C1QTNF3: variants seen among roughly 807,000 people sequenced by gnomAD.
The protein encoded by C1QTNF3 is complement C1q tumor necrosis factor-related protein 3.
In C1QTNF3, 26 loss-of-function variants were observed where a neutral mutation model predicts 32.6. The ratio of observed to expected loss-of-function variants is 0.80; its 90% CI spans 0.58 to 1.11. The LOEUF is 1.11. Among genes scored for constraint, C1QTNF3 ranks in the 50% least tolerant of loss-of-function variants. The pLI is 0.00. For missense variants in C1QTNF3, 362 were observed against 398.2 expected (o/e 0.91, Z 0.77); for synonymous variants, 155 against 146.0 (o/e 1.06, Z -0.44).
At chr5:34,195,471 A>T in the C1QTNF3 span, among the ~76,000 whole-genome samples, 1 of 150,958 alleles carries the variant, frequency 6.6e-6, no homozygotes, top group African/African-American at 2.4e-5. Context: ...AAAGAAACCT[A>T]TCAGATTTAC....
the C1QTNF3 span, among the ~76,000 whole-genome samples, chr5:34,222,093 T>C: frequency 1.2e-4 from 19 of 152,184 alleles, no homozygotes; most frequent in African/African-American, 4.6e-4. Flanking sequence ...ATCTATCTTT[T>C]GGCAATGTTG....
the C1QTNF3 span, among the ~76,000 whole-genome samples, chr5:34,216,706 G>A: frequency 6.6e-6 from 1 of 152,132 alleles, no homozygotes; most frequent in African/African-American, 2.4e-5. Context: ...TTTCCAATAT[G>A]TTTTGAAATT....
the C1QTNF3 span, among the ~76,000 whole-genome samples, chr5:34,121,806 A>AT: frequency 1.3e-4 from 20 of 152,194 alleles, no homozygotes; most frequent in Non-Finnish European, 2.9e-4. Context: ...TTGGAAAATG[A>AT]TTAGGTCATC....
At chr5:34,021,038 C>A (rs979404912) in intron 5 of C1QTNF3, among the ~76,000 whole-genome samples, 1 of 152,164 alleles carries the variant, frequency 6.6e-6, no homozygotes, top group Admixed American at 6.5e-5. Context: ...TGGAAAAGAG[C>A]TCTCTCTCTT....
the C1QTNF3 span, chr5:34,167,398 A>C: frequency 2.6e-5 from 4 of 152,330 alleles, no homozygotes; most frequent in East Asian, 7.7e-4. Context: ...TCTCTATCTT[A>C]CATCTCCCAG....
chr5:34,081,548 AAC>A, the C1QTNF3 span, among the ~76,000 whole-genome samples: 2 of 151,584 alleles, frequency 1.3e-5, no homozygotes, highest in South Asian at 2.1e-4. Flanking sequence ...AATTTGAATC[AAC>A]AGAGAATAAA....
the C1QTNF3 span, among the ~76,000 whole-genome samples, chr5:34,056,454 G>GTGTATATATA: frequency 4.9e-4 from 24 of 48,944 alleles, no homozygotes; most frequent in East Asian, 4.9e-3. Flanking sequence ...GTGTGTGTGT[G>GTGTATATATA]TATATATATA....
chr5:34,029,451 A>G (rs1430177290), intron 3 of C1QTNF3, among the ~76,000 whole-genome samples: 1 of 152,152 alleles, frequency 6.6e-6, no homozygotes, highest in Non-Finnish European at 1.5e-5. Flanking sequence ...ATTAATTTCT[A>G]ATGAAATTAA....
At chr5:34,197,475 A>T in the C1QTNF3 span, among the ~76,000 whole-genome samples, 1 of 152,222 alleles carries the variant, frequency 6.6e-6, no homozygotes, top group Non-Finnish European at 1.5e-5. Context: ...AATGGTAAAT[A>T]TTATTGGCAT....
chr5:34,185,865 C>CA, the C1QTNF3 span, among the ~76,000 whole-genome samples: 4 of 152,372 alleles, frequency 2.6e-5, no homozygotes, highest in East Asian at 7.8e-4. Context: ...TCAATTCAGA[C>CA]AAAAATCATG....
At chr5:34,073,138 T>G in the C1QTNF3 span, among the ~76,000 whole-genome samples, 2 of 152,054 alleles carry the variant, frequency 1.3e-5, no homozygotes, top group Admixed American at 1.3e-4. Context: ...CCATCCTGGC[T>G]AACACGGTGA....
At chr5:34,046,607 C>G (rs1261564555), upstream of C1QTNF3, among the ~76,000 whole-genome samples, 2 of 152,170 alleles carry the variant, frequency 1.3e-5, no homozygotes, top group East Asian at 1.9e-4. Flanking sequence ...GGGAACCAAC[C>G]CTGCTAACAC....
chr5:34,155,836 T>C, the C1QTNF3 span, among the ~76,000 whole-genome samples: 1 of 152,160 alleles, frequency 6.6e-6, no homozygotes, highest in Non-Finnish European at 1.5e-5. Flanking sequence ...ATATGGCTCC[T>C]AAGTGACATT....
chr5:34,062,018 C>T, the C1QTNF3 span, among the ~76,000 whole-genome samples: 1 of 152,190 alleles, frequency 6.6e-6, no homozygotes, highest in African/African-American at 2.4e-5. Flanking sequence ...CTTTAGCAGC[C>T]CCCAAGTCAC....
the C1QTNF3 span, among the ~76,000 whole-genome samples, chr5:34,091,358 T>C: frequency 2.0e-5 from 3 of 152,276 alleles, no homozygotes; most frequent in Non-Finnish European, 4.4e-5. Context: ...GGGAATGTGC[T>C]TTCCTTTATT....
chr5:34,024,681 G>GT (rs1454839292), intron 4 of C1QTNF3, among the ~76,000 whole-genome samples: 1 of 152,142 alleles, frequency 6.6e-6, no homozygotes, highest in African/African-American at 2.4e-5. Flanking sequence ...AAAGATTTGA[G>GT]TTTTTTAATA....
At chr5:34,130,402 G>A in the C1QTNF3 span, among the ~76,000 whole-genome samples, 1 of 151,028 alleles carries the variant, frequency 6.6e-6, no homozygotes, top group African/African-American at 2.4e-5. Flanking sequence ...TAAGAAGAAT[G>A]CCCATATAAT....
chr5:34,071,265 C>T, the C1QTNF3 span, among the ~76,000 whole-genome samples: 1 of 152,086 alleles, frequency 6.6e-6, no homozygotes, highest in Non-Finnish European at 1.5e-5. Context: ...TAGATTTTAT[C>T]CCTTTGGGAT....
At chr5:34,225,228 T>C in the C1QTNF3 span, among the ~76,000 whole-genome samples, 3 of 151,908 alleles carry the variant, frequency 2.0e-5, no homozygotes, top group South Asian at 2.1e-4. Flanking sequence ...AAAAGAAAAT[T>C]TGAATAGCTG....
Sources: gnomAD v4.1 joint callset for allele counts (sites outside exome capture counted in the v4.1 genomes callset) on GRCh38, gnomAD v4.1.1 for gene constraint, MANE v1.5 for transcripts, NCBI Gene and HGNC (gene_info 2026-07-23, HGNC 2026-07-21) for gene names.